The following CELF2 variants were observed in gnomAD, a reference collection of about 807,000 sequenced individuals.
CELF2 encodes CUGBP Elav-like family member 2, also known as CUG triplet repeat RNA-binding protein 2.
CELF2 carries 8 observed loss-of-function variants against 62.6 expected under a neutral mutation model. The ratio of observed to expected loss-of-function variants is 0.13; its 90% confidence interval spans 0.07 to 0.23. The LOEUF (loss-of-function observed/expected upper bound fraction) is 0.23, where lower values mean the gene tolerates loss of function less well. Ranked by LOEUF, CELF2 falls within the 10% of genes least tolerant of loss-of-function variation. The pLI is 1.00. For missense variants in CELF2, 333 were observed against 671.0 expected (o/e 0.50, Z 5.56); for synonymous variants, 258 against 250.0 (o/e 1.03, Z -0.30).
chr10:11,239,342 T>C (rs34082292), intron 3 of CELF2, among the ~76,000 whole-genome samples: 20,661 of 152,122 alleles, frequency 0.14, 1,668 homozygotes, highest in East Asian at 0.31. Flanking sequence ...TAATCCTGGG[T>C]TCTGCAGTTT....
At chr10:11,044,772 C>T (rs1262361735) in intron 1 of CELF2, among the ~76,000 whole-genome samples, 2 of 152,150 alleles carry the variant, frequency 1.3e-5, no homozygotes, top group African/African-American at 4.8e-5. Flanking sequence ...CTTATATATA[C>T]ATAGAGCTCT....
intron 1 of CELF2, among the ~76,000 whole-genome samples, chr10:10,878,602 C>T (rs894074156): frequency 2.0e-5 from 3 of 152,160 alleles, no homozygotes; most frequent in African/African-American, 7.2e-5. Context: ...CAAATACCCT[C>T]CACTTCAGCC....
the CELF2 span, among the ~76,000 whole-genome samples, chr10:10,738,757 A>G: frequency 1.3e-5 from 2 of 152,230 alleles, no homozygotes. Context: ...AGAAACTGTC[A>G]AAGTCTAGAG....
rs2072158488 is a variant in CELF2 at position 11,237,925 on chromosome 10, C to T, written c.355-11228C>T. Among the ~76,000 whole-genome samples the T allele has an allele frequency of 6.6e-6, 1 of 152,202 alleles. No homozygotes were observed. The highest frequency in any genetic ancestry group is 2.4e-5 in the African/African-American group (1 of 41,438). On this transcript the variant is annotated intron_variant, in intron 3 of 12. Coordinates refer to ENST00000633077, the MANE Select transcript of CELF2 (RefSeq NM_001326342.2). This position sits in a 1 kb window ranked among gnomAD's most constrained non-coding sequence, Gnocchi z 4.0. The stretch of plus-strand genomic sequence containing the variant: ...AAAACCACAATCACTTTCGTACAAA[C>T]CTAATAGAATCTAGGATTGGAAATG...
chr10:10,654,148 C>T, the CELF2 span, among the ~76,000 whole-genome samples: 11,952 of 132,674 alleles, frequency 0.09, 754 homozygotes, highest in Non-Finnish European at 0.13. Context: ...GACACATACA[C>T]TCTCCCAAGA....
the CELF2 span, among the ~76,000 whole-genome samples, chr10:10,758,769 G>T: frequency 1.3e-5 from 2 of 152,218 alleles, no homozygotes; most frequent in African/African-American, 4.8e-5. Flanking sequence ...TGACAGATTT[G>T]AGTGCATTTA....
At chr10:11,202,047 A>G (rs571325000) in intron 2 of CELF2, among the ~76,000 whole-genome samples, 4 of 152,278 alleles carry the variant, frequency 2.6e-5, no homozygotes, top group Non-Finnish European at 5.9e-5. Context: ...TGTACCATGT[A>G]ACACTAAGAC....
intron 1 of CELF2, among the ~76,000 whole-genome samples, chr10:11,158,893 CATTCTTAAGAAACT>C (rs1362102965): frequency 6.6e-6 from 1 of 152,210 alleles, no homozygotes; most frequent in Non-Finnish European, 1.5e-5. Context: ...ATGTCCTGTA[CATTCTTAAGAAACT>C]ATTTTTTTAA....
intron 1 of CELF2, among the ~76,000 whole-genome samples, chr10:10,902,434 T>C (rs1205954938): frequency 6.6e-6 from 1 of 152,240 alleles, no homozygotes; most frequent in Non-Finnish European, 1.5e-5. Flanking sequence ...GAGATGTTTA[T>C]ACAGGCAACA....
chr10:11,153,208 C>T (rs999422656), intron 1 of CELF2, among the ~76,000 whole-genome samples: 3 of 152,188 alleles, frequency 2.0e-5, no homozygotes, highest in African/African-American at 7.2e-5. Context: ...GGCCTTTCAC[C>T]TGTCCCCTCT....
At chr10:10,809,877 A>G (rs1327552577) in intron 1 of CELF2, among the ~76,000 whole-genome samples, 1 of 152,214 alleles carries the variant, frequency 6.6e-6, no homozygotes, top group Non-Finnish European at 1.5e-5. Context: ...ACAAAAATTT[A>G]TTCTCACGTT....
At chr10:10,935,196 T>C (rs915327508) in intron 2 of CELF2, 1 of 152,262 alleles carries the variant, frequency 6.6e-6, no homozygotes, top group African/African-American at 2.4e-5. Context: ...TTGGCTTATT[T>C]TGTCATGTCT....
At chr10:10,825,497 A>G (rs927306108) in intron 1 of CELF2, among the ~76,000 whole-genome samples, 8 of 152,218 alleles carry the variant, frequency 5.3e-5, no homozygotes, top group African/African-American at 1.9e-4. Context: ...GGCATGAGCC[A>G]CCGCGCCCAG....
the CELF2 span, among the ~76,000 whole-genome samples, chr10:10,668,964 A>C: frequency 1.3e-5 from 2 of 151,922 alleles, no homozygotes; most frequent in African/African-American, 4.8e-5. Context: ...ACAAAAAAAC[A>C]AACAAACAAA....
intron 1 of CELF2, among the ~76,000 whole-genome samples, chr10:10,868,829 A>C (rs1048913702): frequency 6.6e-6 from 1 of 152,264 alleles, no homozygotes; most frequent in Admixed American, 6.5e-5. Flanking sequence ...AAGTTTAAAC[A>C]TGGTAGAAAA....
the CELF2 span, among the ~76,000 whole-genome samples, chr10:10,463,465 A>G: frequency 6.6e-6 from 1 of 152,198 alleles, no homozygotes; most frequent in African/African-American, 2.4e-5. Context: ...TACATATCCT[A>G]CAATCAACGA....
At chr10:11,143,470 C>G (rs558324431) in intron 1 of CELF2, among the ~76,000 whole-genome samples, 2 of 152,208 alleles carry the variant, frequency 1.3e-5, no homozygotes, top group African/African-American at 4.8e-5. Flanking sequence ...GTCTGACTGA[C>G]GGACCCTTCC....
At chr10:10,825,609 G>A (rs1304490137) in intron 1 of CELF2, among the ~76,000 whole-genome samples, 2 of 152,190 alleles carry the variant, frequency 1.3e-5, no homozygotes, top group Non-Finnish European at 2.9e-5. Flanking sequence ...GTGCTTAAAT[G>A]TGCCTGTCAT....
chr10:11,212,737 G>GTTTT (rs11354880), intron 2 of CELF2, among the ~76,000 whole-genome samples: 22 of 91,978 alleles, frequency 2.4e-4, no homozygotes, highest in East Asian at 1.8e-3. Flanking sequence ...TGTGTTTTGG[G>GTTTT]TTTTTTTTTT....
Sources: allele counts gnomAD v4.1 joint callset (sites outside exome capture counted in the v4.1 genomes callset), GRCh38; gene constraint gnomAD v4.1.1; non-coding constraint Gnocchi (gnomAD v3.1); transcripts MANE v1.5; gene names NCBI Gene and HGNC (gene_info 2026-07-23, HGNC 2026-07-21).